Variants in KATNIP observed in about 807,000 individuals in gnomAD.
KATNIP encodes the protein katanin-interacting protein.
A neutral mutation model predicts 174.0 loss-of-function variants in KATNIP; 126 were observed. The ratio of observed to expected loss-of-function variants is 0.72; its 90% CI spans 0.63 to 0.84. The LOEUF is 0.84. KATNIP is among the 40% of genes least tolerant of loss of function. The pLI is 0.00. For missense variants in KATNIP, 1,958 were observed against 2,109.7 expected (o/e 0.93, Z 1.41); for synonymous variants, 810 against 835.7 (o/e 0.97, Z 0.53).
At chr16:27,656,281 G>C (rs150699137) in intron 6 of KATNIP, among the ~76,000 whole-genome samples, 1 of 152,034 alleles carries the variant, frequency 6.6e-6, no homozygotes, top group Admixed American at 6.6e-5. Flanking sequence ...AGTTGGGTGT[G>C]GTGGTGCATG....
At chr16:27,652,206 G>T (rs1298948409) in intron 6 of KATNIP, among the ~76,000 whole-genome samples, 2 of 152,168 alleles carry the variant, frequency 1.3e-5, no homozygotes, top group African/African-American at 2.4e-5. Context: ...AATAAAATAG[G>T]AAGGGGATAG....
intron 6 of KATNIP, among the ~76,000 whole-genome samples, chr16:27,667,101 G>A (rs1374991239): frequency 1.3e-5 from 2 of 151,996 alleles, no homozygotes; most frequent in African/African-American, 2.4e-5. Context: ...CAGGAGGATC[G>A]CTTGAGCCCA....
At chr16:27,577,049 G>A (rs2090525058) in intron 2 of KATNIP, among the ~76,000 whole-genome samples, 1 of 152,182 alleles carries the variant, frequency 6.6e-6, no homozygotes, top group Non-Finnish European at 1.5e-5. Flanking sequence ...GGGTGTGGCT[G>A]TTGTCAATGA....
At chr16:27,675,007 AG>A (rs1567286317) in intron 6 of KATNIP, among the ~76,000 whole-genome samples, 2 of 152,252 alleles carry the variant, frequency 1.3e-5, no homozygotes, top group African/African-American at 4.8e-5. Flanking sequence ...GAGTGAAACT[AG>A]AAAACAAGTT....
chr16:27,704,300 A>G (rs2079214811), intron 12 of KATNIP, among the ~76,000 whole-genome samples: 1 of 152,256 alleles, frequency 6.6e-6, no homozygotes, highest in African/African-American at 2.4e-5. Context: ...TGCAAATTAC[A>G]GCAACCTAAA....
intron 13 of KATNIP, among the ~76,000 whole-genome samples, chr16:27,716,985 C>T (rs906297263): frequency 1.3e-5 from 2 of 152,194 alleles, no homozygotes; most frequent in East Asian, 1.9e-4. Context: ...GCTGGGACTA[C>T]GGGCGGCGCC....
intron 13 of KATNIP, among the ~76,000 whole-genome samples, chr16:27,710,563 G>C (rs2079531182): frequency 6.6e-6 from 1 of 152,032 alleles, no homozygotes; most frequent in South Asian, 2.1e-4. Context: ...TTGTTATTGC[G>C]TGATCATAGC....
At chr16:27,650,004 C>T (rs955428263) in intron 6 of KATNIP, among the ~76,000 whole-genome samples, 3 of 152,114 alleles carry the variant, frequency 2.0e-5, no homozygotes, top group Non-Finnish European at 2.9e-5. Flanking sequence ...GAAACCCCAT[C>T]TTTACTTGTA....
At chr16:27,689,330 C>A (rs2078633336) in intron 8 of KATNIP, among the ~76,000 whole-genome samples, 1 of 151,864 alleles carries the variant, frequency 6.6e-6, no homozygotes, top group African/African-American at 2.4e-5. Context: ...GTTGGAGAAT[C>A]ACTTGAACCT....
intron 12 of KATNIP, among the ~76,000 whole-genome samples, chr16:27,707,309 G>C (rs1038210200): frequency 6.6e-6 from 1 of 152,214 alleles, no homozygotes; most frequent in Non-Finnish European, 1.5e-5. Context: ...GCTGCAATCA[G>C]CCCTGGAGGG....
chr16:27,642,769 ATTTT>A (rs143123046), intron 5 of KATNIP, among the ~76,000 whole-genome samples: 2 of 125,586 alleles, frequency 1.6e-5, no homozygotes, highest in Non-Finnish European at 1.7e-5. Context: ...TTTTTAAAAA[ATTTT>A]TTTTTTTTTT....
At position 27,743,903 on chromosome 16, in the gene KATNIP, C is replaced by T. The variant is rs547216082; in HGVS notation, c.2623+2983C>T. ...CTTCCAAGCTTTCCCAGCAAACAGT[C>T]GGTGCAAAGCCTCCAGGAGTTCCAA... On this transcript the variant is annotated intron_variant, in intron 15 of 27. Transcript: ENST00000261588. 2.0e-4 allele frequency among the ~76,000 whole-genome samples: 31 copies of T among 152,236 alleles called. 2 individuals carry two copies. In the South Asian group the frequency reaches 5.0e-3, roughly 24 times the overall value.
chr16:27,583,992 G>A (rs1043859657), intron 2 of KATNIP, among the ~76,000 whole-genome samples: 3 of 152,056 alleles, frequency 2.0e-5, no homozygotes, highest in Admixed American at 2.0e-4. Context: ...TAAAAGGTTT[G>A]GGGATGAATC....
In KATNIP at chr16:27,740,326, G is replaced by C; in HGVS notation, c.2029G>C (p.Val677Leu). Reference sequence around the variant, plus strand: ...TGCAAAGCTTTCTTCACAAGGAAATGTGTCTGGCAAAAGAAAGAATTCTAC... The same window carrying C: ...TGCAAAGCTTTCTTCACAAGGAAATCTGTCTGGCAAAAGAAAGAATTCTAC... ...ADAKLSSQGN[V>L]SGKRKNSTNC... The change falls in exon 15 of 28, where the codon GTG becomes CTG. Residue 677 changes from valine (V) to leucine (L), a missense_variant. Val to Leu is a conservative substitution (Grantham distance 32). Transcript: ENST00000261588. 2.5e-6 allele frequency: 4 copies of C among 1,614,230 alleles called. No individual in the cohort carries two copies. The highest frequency in any genetic ancestry group is 3.4e-6 in the Non-Finnish European group (4 of 1,180,044).
chr16:27,591,197 T>C (rs1226560469), intron 2 of KATNIP, among the ~76,000 whole-genome samples: 3 of 152,202 alleles, frequency 2.0e-5, no homozygotes, highest in South Asian at 2.1e-4. Flanking sequence ...TTCTTTTTTT[T>C]TTTTTTGAGA....
intron 5 of KATNIP, among the ~76,000 whole-genome samples, chr16:27,646,630 T>TG (rs2076965774): frequency 6.6e-6 from 1 of 152,072 alleles, no homozygotes; most frequent in Non-Finnish European, 1.5e-5. Flanking sequence ...AATTATCAGG[T>TG]GTGTGGTTGT....
chr16:27,636,858 C>T (rs189538677), intron 5 of KATNIP, among the ~76,000 whole-genome samples: 121 of 152,314 alleles, frequency 7.9e-4, no homozygotes, highest in African/African-American at 2.8e-3. Context: ...GCATGTGCAG[C>T]GTGCATTACA....
chr16:27,754,222 C>G lies in KATNIP; in HGVS notation c.3602C>G (p.Thr1201Arg), dbSNP rs754317109. The G allele has an allele frequency of 6.2e-7, 1 of 1,614,062 alleles. No homozygotes were observed. The highest frequency in any genetic ancestry group is 8.5e-7 in the Non-Finnish European group (1 of 1,180,004). ...PSSSPVPQVT[T>R]PEPGIYHGIC... The stretch of plus-strand genomic sequence containing the variant: ...AGTTCCCCTGTCCCCCAAGTCACCA[C>G]GCCAGAGCCAGGCATCTACCACGGA... Residue 1201 changes from threonine (T) to arginine (R), a missense_variant, in exon 18 of 28, where the codon ACG becomes AGG. Thr to Arg is a moderately conservative substitution (Grantham distance 71). Coordinates refer to ENST00000261588, the MANE Select transcript of KATNIP (RefSeq NM_015202.5).
At chr16:27,683,656 C>T (rs1206465512) in intron 8 of KATNIP, among the ~76,000 whole-genome samples, 5 of 152,136 alleles carry the variant, frequency 3.3e-5, no homozygotes, top group Admixed American at 3.3e-4. Flanking sequence ...AATTTTGATT[C>T]TGTCAACTTT....
Sources: gnomAD v4.1 joint callset for allele counts (sites outside exome capture counted in the v4.1 genomes callset) on GRCh38, gnomAD v4.1.1 for gene constraint, MANE v1.5 for transcripts, NCBI Gene and HGNC (gene_info 2026-07-23, HGNC 2026-07-21) for gene names.